Variants in TSBP1 observed in about 807,000 individuals in gnomAD.
TSBP1 encodes the protein testis-expressed basic protein 1.
Under a neutral mutation model 68.8 loss-of-function variants are expected in TSBP1, and 56 were observed. The ratio of observed to expected loss-of-function variants is 0.81; its 90% CI spans 0.66 to 1.02. The LOEUF (loss-of-function observed/expected upper bound fraction) is 1.02, where lower values mean the gene tolerates loss of function less well. Among genes scored for constraint, TSBP1 ranks in the 50% least tolerant of loss-of-function variants. The pLI, the probability that TSBP1 is intolerant of heterozygous loss-of-function variation, is 0.00. For missense variants in TSBP1, 502 were observed against 641.2 expected, an observed-to-expected ratio of 0.78 and a Z score of 2.34; for synonymous variants, 171 against 208.7, an observed-to-expected ratio of 0.82 and a Z score of 1.56.
intron 2 of TSBP1, 118 bp from the exon 3 acceptor site, chr6:32,368,932 A>G: frequency 8.2e-7 from 1 of 1,223,538 alleles, no homozygotes; most frequent in Non-Finnish European, 1.1e-6. Flanking sequence ...TCCTCCTGAT[A>G]TAATGCATTG....
intron 9 of TSBP1, 119 bp from the exon 11 acceptor site, chr6:32,339,757 T>A: frequency 1.9e-6 from 1 of 520,176 alleles, no homozygotes; most frequent in Non-Finnish European, 3.6e-6. Context: ...GTCTTGAGGT[T>A]AAAGAGCTGA....
intron 4 of TSBP1, among the ~76,000 whole-genome samples, chr6:32,367,053 G>A (rs1242130549): frequency 3.3e-5 from 1 of 30,056 alleles, no homozygotes; most frequent in African/African-American, 2.1e-4. Context: ...TGCTTGTAGC[G>A]TGTGTGTGTG....
chr6:32,364,963 G>A (rs573497250), intron 6 of TSBP1, among the ~76,000 whole-genome samples: 2 of 152,038 alleles, frequency 1.3e-5, no homozygotes, highest in Admixed American at 6.6e-5. Context: ...GCATGATCGT[G>A]GCTCACTGCA....
Position 32,325,346 on chromosome 6 carries a change from G to GT in TSBP1, c.515-1733dup, listed in dbSNP as rs1321919565. The GT allele has an allele frequency of 1.9e-6, 2 of 1,040,798 alleles. No individual in the cohort carries two copies. Among genetic ancestry groups the GT allele is most frequent in the African/African-American group, 3.2e-5 (2 of 63,070 alleles). 64.5% of individuals were successfully genotyped at this position (1,040,798 alleles called of 1,614,324 possible). A position where few individuals can be genotyped will look rare whatever the true frequency, so the allele number is the denominator to read the frequency against. On this transcript the variant is annotated intron_variant, in intron 16 of 22. Coordinates refer to ENST00000612031, the Ensembl canonical transcript of TSBP1. This position sits in a 1 kb window ranked among gnomAD's most constrained non-coding sequence, Gnocchi z 4.4. ...GAGCAGTGAGGGACACTCCCGGACA[G>GT]TGTGGTCATGAGAGATCCAAACCCA...
chr6:32,336,029 A>G lies in TSBP1; in HGVS notation c.431-97T>C. 1 of 1,026,802 alleles carries G rather than the reference A, an allele frequency of 9.7e-7. No homozygotes were observed. The highest frequency in any genetic ancestry group is 1.5e-6 in the Non-Finnish European group (1 of 667,730). The allele number at this position is 1,026,802 out of a possible 1,614,324, so 63.6% of individuals were successfully genotyped here. ...CCCAACACTCGCTCTAGGGAGTATC[A>G]TAAATAGAAACAACGGGAAGATCAA... is the stretch of plus-strand genomic sequence containing the variant. On this transcript the variant is annotated intron_variant, in intron 12 of 22. Coordinates refer to ENST00000612031, the Ensembl canonical transcript of TSBP1. This position sits in a 1 kb window ranked among gnomAD's most constrained non-coding sequence, Gnocchi z 5.2.
At chr6:32,355,702 T>C (rs757322760) in intron 6 of TSBP1, 33 bp from the exon 7 acceptor site, 6 of 1,576,952 alleles carry the variant, frequency 3.8e-6, no homozygotes, top group Non-Finnish European at 4.3e-6. Context: ...GAAAAATCAA[T>C]TTGGATATTC....
intron 8 of TSBP1, among the ~76,000 whole-genome samples, chr6:32,354,129 A>G (rs1261869689): frequency 6.6e-6 from 1 of 151,960 alleles, no homozygotes; most frequent in African/African-American, 2.4e-5. Flanking sequence ...TCTAAAAGTC[A>G]AGAGACAGCA....
At chr6:32,300,777 G>T in intron 20 of TSBP1, 77 bp from the exon 24 acceptor site, 1 of 1,140,644 alleles carries the variant, frequency 8.8e-7, no homozygotes, top group Non-Finnish European at 1.3e-6. Flanking sequence ...TCTGCATTGA[G>T]TGGGATCTGT....
chr6:32,365,634 C>G lies in TSBP1; in HGVS notation c.217+533G>C. The G allele has an allele frequency of 2.2e-6, 1 of 456,206 alleles. No homozygotes were observed. The highest frequency in any genetic ancestry group is 7.0e-5 in the East Asian group (1 of 14,388). The allele number at this position is 456,206 out of a possible 1,614,324, so 28.3% of individuals were successfully genotyped here. On this transcript the variant is annotated intron_variant, in intron 6 of 22. Coordinates refer to ENST00000612031, the Ensembl canonical transcript of TSBP1. This position sits in a 1 kb window ranked among gnomAD's most constrained non-coding sequence, Gnocchi z 4.3. ...CCTGAATGGCTGGGGGATGTGGGCACTCATTAAGTTCTGCACATTTTTTCT... is the reference window on the plus strand; with the variant it reads ...CCTGAATGGCTGGGGGATGTGGGCAGTCATTAAGTTCTGCACATTTTTTCT...
intron 16 of TSBP1, chr6:32,324,824 C>T (rs1768041666): frequency 8.8e-7 from 1 of 1,135,322 alleles, no homozygotes; most frequent in Admixed American, 2.6e-5. Flanking sequence ...TTCCAGAAAA[C>T]TAATTATCAG....
rs564775879 is a variant in TSBP1, at chr6:32,306,802, A to G, written c.581-4173T>C. Among the ~76,000 whole-genome samples, 3 of 151,674 alleles carry G rather than the reference A, an allele frequency of 2.0e-5. No homozygotes were observed. The highest frequency in any genetic ancestry group is 3.9e-4 in the East Asian group (2 of 5,156). On this transcript the variant is annotated intron_variant, in intron 19 of 22. Transcript: ENST00000612031. The surrounding 1 kb of genome is among the most constrained non-coding windows in gnomAD (Gnocchi z 5.1). Reference sequence around the variant, plus strand: ...TTTCACCTCCTGCCATCCTCAGTTTATCTCATGATACAAGGTTTTTCTGAC... The same window carrying G: ...TTTCACCTCCTGCCATCCTCAGTTTGTCTCATGATACAAGGTTTTTCTGAC...
exon 23 of TSBP1, chr6:32,293,944 C>T: frequency 6.2e-7 from 1 of 1,612,646 alleles, no homozygotes; most frequent in Non-Finnish European, 8.5e-7. Context: ...CTCGGCTATT[C>T]TGAGACCTTG....
intron 14 of TSBP1, among the ~76,000 whole-genome samples, chr6:32,334,215 C>T (rs972267320): frequency 6.6e-6 from 1 of 152,004 alleles, no homozygotes; most frequent in Non-Finnish European, 1.5e-5. Context: ...CTCTTATGTG[C>T]CAATTCACTT....
At chr6:32,296,985 C>T (rs1186257547) in intron 22 of TSBP1, among the ~76,000 whole-genome samples, 1 of 152,124 alleles carries the variant, frequency 6.6e-6, no homozygotes, top group Non-Finnish European at 1.5e-5. Context: ...AATATATTTG[C>T]TGTCATCTTT....
intron 6 of TSBP1, among the ~76,000 whole-genome samples, chr6:32,356,394 C>T (rs1005279281): frequency 1.3e-5 from 2 of 152,202 alleles, no homozygotes; most frequent in African/African-American, 2.4e-5. Flanking sequence ...AACACATTCT[C>T]TGTTTTATAA....
At chr6:32,327,938 C>T (rs1191949214) in intron 16 of TSBP1, among the ~76,000 whole-genome samples, 4 of 151,194 alleles carry the variant, frequency 2.6e-5, no homozygotes, top group Non-Finnish European at 4.4e-5. Flanking sequence ...ACTACAGGCA[C>T]CCGCCACCAT....
At chr6:32,310,761 A>ATATATATATATATATATAT in intron 19 of TSBP1, among the ~76,000 whole-genome samples, 1 of 144,806 alleles carries the variant, frequency 6.9e-6, no homozygotes, top group African/African-American at 2.5e-5. Flanking sequence ...ATATATATAT[A>ATATATATATATATATATAT]TTTTTAATCT....
intron 10 of TSBP1, 88 bp from the exon 12 acceptor site, chr6:32,339,087 A>G: frequency 2.8e-6 from 3 of 1,071,558 alleles, no homozygotes; most frequent in South Asian, 1.3e-5. Flanking sequence ...CATTTACTAC[A>G]TATTTGATTT....
At chr6:32,323,057 C>A in intron 18 of TSBP1, 60 bp downstream of exon 19, 12 of 1,238,784 alleles carry the variant, frequency 9.7e-6, no homozygotes, top group Non-Finnish European at 1.2e-5. Context: ...ATCACTTTGA[C>A]AGAAGTGAAA....
Sources: gnomAD v4.1 joint callset for allele counts (sites outside exome capture counted in the v4.1 genomes callset) on GRCh38, gnomAD v4.1.1 for gene constraint, Gnocchi (gnomAD v3.1) non-coding constraint, MANE v1.5 for transcripts, NCBI Gene and HGNC (gene_info 2026-07-23, HGNC 2026-07-21) for gene names.